KAZN: variants seen among roughly 807,000 people sequenced by gnomAD.
The protein encoded by KAZN is kazrin.
Under a neutral mutation model 87.4 loss-of-function variants are expected in KAZN, and 40 were observed. The ratio of observed to expected loss-of-function variants is 0.46; its 90% CI spans 0.36 to 0.60. KAZN has a LOEUF of 0.60. Ranked by LOEUF, KAZN falls within the 20% of genes least tolerant of loss-of-function variation. The pLI is 0.00. For missense variants in KAZN, 898 were observed against 1,073.9 expected (o/e 0.84, Z 2.29); for synonymous variants, 466 against 458.3 (o/e 1.02, Z -0.22).
intron 1 of KAZN, among the ~76,000 whole-genome samples, chr1:14,916,278 T>C (rs1165716338): frequency 2.0e-5 from 3 of 150,084 alleles, no homozygotes; most frequent in African/African-American, 7.3e-5. Context: ...CAAGCGATTC[T>C]CCTGCCTCAG....
chr1:14,793,207 T>C (rs900478094), intron 1 of KAZN, among the ~76,000 whole-genome samples: 8 of 151,696 alleles, frequency 5.3e-5, no homozygotes, highest in African/African-American at 1.5e-4. Context: ...GGGCAGGAAA[T>C]GATGGCAGAG....
At chr1:14,658,424 T>C (rs1375455516) in intron 1 of KAZN, among the ~76,000 whole-genome samples, 1 of 152,178 alleles carries the variant, frequency 6.6e-6, no homozygotes, top group Non-Finnish European at 1.5e-5. Flanking sequence ...TATCTGTGAA[T>C]GGGAGTAAAA....
At chr1:13,961,977 C>T (rs1159462690) in intron 1 of KAZN, among the ~76,000 whole-genome samples, 2 of 152,186 alleles carry the variant, frequency 1.3e-5, no homozygotes, top group African/African-American at 4.8e-5. Flanking sequence ...GGATCATTTC[C>T]TCTATCCTTC....
At chr1:13,947,357 A>G (rs1388249335) in intron 1 of KAZN, among the ~76,000 whole-genome samples, 1 of 152,152 alleles carries the variant, frequency 6.6e-6, no homozygotes, top group Non-Finnish European at 1.5e-5. Context: ...AGTGGACTCA[A>G]GATGCATGTT....
At chr1:13,893,340 G>A (rs992287605) in exon 1 of KAZN, 2 of 229,958 alleles carry the variant, frequency 8.7e-6, no homozygotes, top group Non-Finnish European at 8.4e-6. Context: ...CGGGGGGCAA[G>A]TTCCAGCCAC....
At chr1:14,868,031 C>A (rs1275267249) in intron 1 of KAZN, among the ~76,000 whole-genome samples, 2 of 76,422 alleles carry the variant, frequency 2.6e-5, no homozygotes, top group African/African-American at 3.7e-5. Flanking sequence ...ACAGGCATGG[C>A]ATCGCATAGC....
intron 1 of KAZN, among the ~76,000 whole-genome samples, chr1:14,084,491 T>A (rs1643790822): frequency 6.6e-6 from 1 of 152,094 alleles, no homozygotes; most frequent in Non-Finnish European, 1.5e-5. Context: ...GTTAAATACA[T>A]CCTTTACATA....
chr1:13,957,912 A>G (rs902047736), intron 1 of KAZN, among the ~76,000 whole-genome samples: 1 of 152,148 alleles, frequency 6.6e-6, no homozygotes, highest in African/African-American at 2.4e-5. Flanking sequence ...CTAATAGGAC[A>G]GGGGTGGCTA....
intron 2 of KAZN, among the ~76,000 whole-genome samples, chr1:14,210,134 C>T (rs1646823209): frequency 6.6e-6 from 1 of 152,104 alleles, no homozygotes; most frequent in Non-Finnish European, 1.5e-5. Flanking sequence ...TCCTATAATC[C>T]CCACATATCA....
At chr1:14,036,251 TG>T in intron 1 of KAZN, among the ~76,000 whole-genome samples, 1 of 152,162 alleles carries the variant, frequency 6.6e-6, no homozygotes, top group Non-Finnish European at 1.5e-5. Flanking sequence ...TCAGCAGTTT[TG>T]GGTGGGAGGA....
chr1:14,838,229 T>C (rs1275298583), intron 1 of KAZN, among the ~76,000 whole-genome samples: 2 of 152,172 alleles, frequency 1.3e-5, no homozygotes, highest in Non-Finnish European at 2.9e-5. Context: ...AAGACCTTAA[T>C]CCCATTCACA....
intron 1 of KAZN, among the ~76,000 whole-genome samples, chr1:13,908,534 CA>C (rs1219746122): frequency 6.6e-6 from 1 of 152,208 alleles, no homozygotes; most frequent in Non-Finnish European, 1.5e-5. Flanking sequence ...CCAGTTTAAA[CA>C]AAAGTTCCTT....
intron 1 of KAZN, among the ~76,000 whole-genome samples, chr1:14,921,153 A>AATAC (rs1553156562): frequency 6.9e-6 from 1 of 144,422 alleles, no homozygotes; most frequent in African/African-American, 2.6e-5. Context: ...CTGAGCATGC[A>AATAC]ACACACACAC....
Position 15,063,425 on chromosome 1 carries a change from T to TG in KAZN, c.1048-141dup, listed in dbSNP as rs1337846076. ...ATCTGGGGGTATCTGCTTCAGGAGA[T>TG]GGGGGGTGGGCTCCCCACTGCAGAG... On this transcript the variant is annotated intron_variant, in intron 6 of 14. Transcript: ENST00000376030. 1.7e-5 allele frequency: 12 copies of TG among 692,298 alleles called. No homozygotes were observed. The East Asian group carries it at 3.0e-4, about 17-fold the overall frequency. 42.9% of individuals were successfully genotyped at this position (692,298 alleles called of 1,614,324 possible). A position where few individuals can be genotyped will look rare whatever the true frequency, so the allele number is the denominator to read the frequency against.
rs140489970 is a variant in KAZN, at chr1:14,692,251, G to A, written c.226+93028G>A. 4.9e-4 allele frequency: 345 copies of A among 703,042 alleles called. 5 individuals are homozygous for A. The East Asian group carries it at 0.011, about 22-fold the overall frequency. The allele number at this position is 703,042 out of a possible 1,614,324, so 43.6% of individuals were successfully genotyped here. A position where few individuals can be genotyped will look rare whatever the true frequency, so the allele number is the denominator to read the frequency against. Reference sequence around the variant, plus strand: ...AAATATGCAGCTTCCAACCTGCGCTGGCAATCTGGGATCATCATCTGGGAT... The same window carrying A: ...AAATATGCAGCTTCCAACCTGCGCTAGCAATCTGGGATCATCATCTGGGAT... On this transcript the variant is annotated intron_variant, in intron 1 of 14. Transcript: ENST00000376030.
intron 2 of KAZN, among the ~76,000 whole-genome samples, chr1:14,324,582 T>A (rs1273793619): frequency 6.6e-6 from 1 of 152,156 alleles, no homozygotes; most frequent in Non-Finnish European, 1.5e-5. Flanking sequence ...CAATCACATT[T>A]CTTCAATCAA....
rs56104480 is a variant in KAZN at position 14,952,240 on chromosome 1, C to CTGTGTGTGTGTGTGTG, written c.227-8422_227-8407dup. ...CTCTAGGCATCTGATTTCTTTCCCACTGTGTGTGTGTGTGTGTGTGTGTGT... is the reference window on the plus strand; with the variant it reads ...CTCTAGGCATCTGATTTCTTTCCCACTGTGTGTGTGTGTGTGTGTGTGTGTGTGTGTGTGTGTGTGT... On this transcript the variant is annotated intron_variant, in intron 1 of 14. Coordinates refer to ENST00000376030, the MANE Select transcript of KAZN (RefSeq NM_201628.3). Among the ~76,000 whole-genome samples the CTGTGTGTGTGTGTGTG allele has an allele frequency of 7.6e-4, 109 of 144,010 alleles. 1 individual carries two copies. Among genetic ancestry groups the CTGTGTGTGTGTGTGTG allele is most frequent in the African/African-American group, 2.6e-3 (100 of 37,752 alleles). 94.5% of individuals were successfully genotyped at this position (144,010 alleles called of 152,430 possible). A position where few individuals can be genotyped will look rare whatever the true frequency, so the allele number is the denominator to read the frequency against.
intron 1 of KAZN, among the ~76,000 whole-genome samples, chr1:13,983,224 G>A (rs545057894): frequency 8.5e-5 from 13 of 152,344 alleles, no homozygotes; most frequent in African/African-American, 2.9e-4. Context: ...GGTGGCGCTC[G>A]TGGAGGAGGC....
intron 1 of KAZN, among the ~76,000 whole-genome samples, chr1:14,160,218 A>C (rs1645680963): frequency 6.6e-6 from 1 of 152,198 alleles, no homozygotes; most frequent in Non-Finnish European, 1.5e-5. Context: ...CTGCAATAGC[A>C]AGGCTTTCAG....
Sources: allele counts gnomAD v4.1 joint callset (sites outside exome capture counted in the v4.1 genomes callset), GRCh38; gene constraint gnomAD v4.1.1; transcripts MANE v1.5; gene names NCBI Gene and HGNC (gene_info 2026-07-23, HGNC 2026-07-21).